Variants in GINS1 observed in about 807,000 individuals in gnomAD.
GINS1 encodes GINS complex subunit 1, also known as DNA replication complex GINS protein PSF1.
In GINS1, 26 loss-of-function variants were observed where a neutral mutation model predicts 34.9. The ratio of observed to expected loss-of-function variants is 0.74; its 90% CI spans 0.55 to 1.03. The LOEUF (loss-of-function observed/expected upper bound fraction) is 1.03, where lower values mean the gene tolerates loss of function less well. GINS1 is among the 50% of genes least tolerant of loss of function. The pLI is 0.00. For missense variants in GINS1, 235 were observed against 237.9 expected, an observed-to-expected ratio of 0.99 and a Z score of 0.08; for synonymous variants, 97 against 84.4, an observed-to-expected ratio of 1.15 and a Z score of -0.82.
In GINS1 at chr20:25,429,631, T is replaced by C. The variant is rs111496805; in HGVS notation, c.447+4304T>C. On this transcript the variant is annotated intron_variant, in intron 5 of 6. Transcript: ENST00000262460. ...TTATTTTCAGATTGTTCGTTGTTAGTGTATAGAAATGCAACTGATTTTTGT... is the reference window on the plus strand; with the variant it reads ...TTATTTTCAGATTGTTCGTTGTTAGCGTATAGAAATGCAACTGATTTTTGT... 7.2e-3 allele frequency among the ~76,000 whole-genome samples: 1,096 copies of C among 152,316 alleles called. 7 individuals are homozygous for C. The highest frequency in any genetic ancestry group is 0.02 in the Middle Eastern group (6 of 294).
intron 4 of GINS1, among the ~76,000 whole-genome samples, chr20:25,420,599 G>A (rs6083851): frequency 0.43 from 65,252 of 151,652 alleles, 15,534 homozygotes; most frequent in Admixed American, 0.55. Context: ...GGCCAACATG[G>A]TGAAACCCTG....
chr20:25,415,377 TAAAC>T (rs2090313736), intron 2 of GINS1, among the ~76,000 whole-genome samples: 2 of 152,134 alleles, frequency 1.3e-5, no homozygotes, highest in Admixed American at 6.5e-5. Context: ...ATTTCAGTGG[TAAAC>T]AACAGTCAAG....
At position 25,448,074 on chromosome 20, in the gene GINS1, T is replaced by C. The variant is rs1282378339; in HGVS notation, c.*2083T>C. The C allele has an allele frequency of 6.6e-6, 1 of 152,198 alleles. No homozygotes were observed. Among genetic ancestry groups the C allele is most frequent in the Non-Finnish European group, 1.5e-5 (1 of 68,062 alleles). The allele number at this position is 152,198 out of a possible 1,614,324, so 9.4% of individuals were successfully genotyped here. A position where few individuals can be genotyped will look rare whatever the true frequency, so the allele number is the denominator to read the frequency against. ...TGAACCCCAGAGGTCAAGACTGCAGTGAGCTGAGATCACACCACTGTACTC... is the reference window on the plus strand; with the variant it reads ...TGAACCCCAGAGGTCAAGACTGCAGCGAGCTGAGATCACACCACTGTACTC... On this transcript the variant is annotated 3_prime_UTR_variant, in exon 7 of 7. Transcript: ENST00000262460.
At chr20:25,414,657 G>C (rs1276042869) in intron 2 of GINS1, among the ~76,000 whole-genome samples, 1 of 152,124 alleles carries the variant, frequency 6.6e-6, no homozygotes, top group Non-Finnish European at 1.5e-5. Flanking sequence ...CTATGATCAC[G>C]TTACTGCACC....
chr20:25,411,939 G>A (rs946500332), intron 1 of GINS1, among the ~76,000 whole-genome samples: 2 of 137,754 alleles, frequency 1.5e-5, no homozygotes, highest in East Asian at 2.9e-4. Flanking sequence ...ACAAAACTCC[G>A]TCTCAAAAAA....
intron 5 of GINS1, among the ~76,000 whole-genome samples, chr20:25,427,640 C>T (rs866522845): frequency 1.3e-5 from 2 of 152,142 alleles, no homozygotes; most frequent in Non-Finnish European, 2.9e-5. Flanking sequence ...AATTGGCCCC[C>T]TTTATGGGGC....
chr20:25,417,742 T>C (rs1006139510), intron 3 of GINS1, among the ~76,000 whole-genome samples: 1 of 152,106 alleles, frequency 6.6e-6, no homozygotes, highest in Non-Finnish European at 1.5e-5. Context: ...TAATCTCAGC[T>C]ACTTGGGAGG....
Position 25,425,203 on chromosome 20 carries a change from G to A in GINS1, c.331-8G>A, listed in dbSNP as rs768895426. The A allele has an allele frequency of 8.7e-7, 1 of 1,151,562 alleles. No individual in the cohort carries two copies. Among genetic ancestry groups the A allele is most frequent in the Admixed American group, 1.8e-5 (1 of 56,690 alleles). The allele number at this position is 1,151,562 out of a possible 1,614,324, so 71.3% of individuals were successfully genotyped here. A position where few individuals can be genotyped will look rare whatever the true frequency, so the allele number is the denominator to read the frequency against. On this transcript the variant is annotated splice_region_variant and splice_polypyrimidine_tract_variant and intron_variant, in intron 4 of 6. Transcript: ENST00000262460. ...AATTTTGTCAAATGATCATCTCTAT[G>A]TTTGCAGATGGAGTGGTTTAATAAT...
chr20:25,447,400 G>A lies in GINS1; in HGVS notation c.*1409G>A, dbSNP rs2090518480. ...TGTCAATCCACCTTCACTTTTTCTT[G>A]GGAATATAGATATCCAGCTGTTTCA... On this transcript the variant is annotated 3_prime_UTR_variant, in exon 7 of 7. Transcript: ENST00000262460. 7 of 152,154 alleles carry A rather than the reference G, an allele frequency of 4.6e-5. No individual in the cohort carries two copies. In the South Asian group the frequency reaches 1.5e-3, roughly 32 times the overall value. The allele number at this position is 152,154 out of a possible 1,614,324, so 9.4% of individuals were successfully genotyped here.
At chr20:25,413,657 C>G (rs1036151769) in intron 1 of GINS1, 133 bp from the exon 2 acceptor site, 1 of 648,706 alleles carries the variant, frequency 1.5e-6, no homozygotes, top group Non-Finnish European at 2.8e-6. Context: ...TATAACCATG[C>G]TAGTGGGGTG....
intron 2 of GINS1, among the ~76,000 whole-genome samples, chr20:25,414,960 C>A (rs2090310983): frequency 6.6e-6 from 1 of 152,166 alleles, no homozygotes. Context: ...TGGTAGCTGG[C>A]ACAGTGGAGA....
intron 5 of GINS1, among the ~76,000 whole-genome samples, chr20:25,432,279 T>C (rs2090431335): frequency 6.6e-6 from 1 of 152,192 alleles, no homozygotes; most frequent in African/African-American, 2.4e-5. Flanking sequence ...TGTTTTTGTT[T>C]TTTCACCTTT....
chr20:25,443,773 C>T (rs1419496472), intron 6 of GINS1, among the ~76,000 whole-genome samples: 2 of 151,982 alleles, frequency 1.3e-5, no homozygotes, highest in Admixed American at 1.3e-4. Context: ...TGAGCCACCG[C>T]ACCTGGCCTG....
intron 5 of GINS1, among the ~76,000 whole-genome samples, chr20:25,440,106 C>T (rs2090474503): frequency 6.6e-6 from 1 of 151,948 alleles, no homozygotes; most frequent in South Asian, 2.1e-4. Context: ...TGATCTCGCT[C>T]ACTGCAACCT....
intron 5 of GINS1, among the ~76,000 whole-genome samples, chr20:25,440,211 G>A (rs1253193562): frequency 6.6e-6 from 1 of 151,378 alleles, no homozygotes; most frequent in East Asian, 2.0e-4. Flanking sequence ...ATGTTGACCA[G>A]GCTGGTCTTA....
chr20:25,428,397 CTTTTTTT>C (rs544831869), intron 5 of GINS1, among the ~76,000 whole-genome samples: 3 of 66,582 alleles, frequency 4.5e-5, no homozygotes, highest in East Asian at 3.7e-4. Flanking sequence ...AGCATAATTT[CTTTTTTT>C]TTTTTTTTTT....
rs762742046 is a variant in GINS1 at position 25,418,132 on chromosome 20, A to C, written c.267A>C (p.Ala89=). Residue 89 remains alanine, a synonymous_variant, in exon 4 of 7, where the codon GCA becomes GCC. Transcript: ENST00000262460. ...ATGACCGCTTGCTTCGGATCAGAGC[A>C]CTCAGATGGGAATATGGTAGCGTCT... ...YLYDRLLRIR[A]LRWEYGSVLP... 1.2e-5 allele frequency: 20 copies of C among 1,603,128 alleles called. No individual in the cohort carries two copies. The highest frequency in any genetic ancestry group is 1.7e-5 in the Admixed American group (1 of 59,984).
intron 2 of GINS1, among the ~76,000 whole-genome samples, chr20:25,414,231 C>A (rs1434095620): frequency 1.4e-5 from 2 of 145,770 alleles, no homozygotes; most frequent in Admixed American, 6.8e-5. Flanking sequence ...AATCAGATAA[C>A]CTTGCATTAG....
chr20:25,415,203 G>A (rs1600920432), intron 2 of GINS1, among the ~76,000 whole-genome samples: 1 of 152,314 alleles, frequency 6.6e-6, no homozygotes, highest in South Asian at 2.1e-4. Flanking sequence ...CTGTGTATAA[G>A]GAGAGATACA....
Sources: gnomAD v4.1 joint callset for allele counts (sites outside exome capture counted in the v4.1 genomes callset) on GRCh38, gnomAD v4.1.1 for gene constraint, MANE v1.5 for transcripts, NCBI Gene and HGNC (gene_info 2026-07-23, HGNC 2026-07-21) for gene names.